The following TIAM1 variants were observed in gnomAD, a reference collection of about 807,000 sequenced individuals.
TIAM1 encodes rho guanine nucleotide exchange factor TIAM1.
Under a neutral mutation model 163.5 loss-of-function variants are expected in TIAM1, and 65 were observed. That is an observed-to-expected ratio of 0.40 (90% confidence interval 0.33 to 0.49). The LOEUF is 0.49. Ranked by LOEUF, TIAM1 falls within the 20% of genes least tolerant of loss-of-function variation. The probability of loss-of-function intolerance (pLI) is 0.77; values close to 1 mark genes in which losing one functional copy is unlikely to be tolerated. For missense variants in TIAM1, 1,789 were observed against 2,044.7 expected (o/e 0.87, Z 2.41); for synonymous variants, 833 against 810.1 (o/e 1.03, Z -0.48).
chr21:31,517,073 A>T (rs1175284741), intron 1 of TIAM1, among the ~76,000 whole-genome samples: 1 of 151,448 alleles, frequency 6.6e-6, no homozygotes. Flanking sequence ...AAAAGAAAAG[A>T]AAAGAAAAGA....
intron 2 of TIAM1, among the ~76,000 whole-genome samples, chr21:31,314,756 C>A (rs981017163): frequency 1.3e-5 from 2 of 152,084 alleles, no homozygotes; most frequent in African/African-American, 4.8e-5. Flanking sequence ...AACGTGCATG[C>A]TTGTAAAGGG....
intron 2 of TIAM1, among the ~76,000 whole-genome samples, chr21:31,326,033 G>C (rs1203258875): frequency 6.6e-6 from 1 of 152,132 alleles, no homozygotes; most frequent in Non-Finnish European, 1.5e-5. Context: ...TCCAGACCCT[G>C]CTGAGGCCTC....
At chr21:31,128,790 T>G (rs534086179) in intron 25 of TIAM1, among the ~76,000 whole-genome samples, 1 of 152,338 alleles carries the variant, frequency 6.6e-6, no homozygotes, top group South Asian at 2.1e-4. Context: ...GTTTTTGCAT[T>G]TGAGTTTTCC....
At chr21:31,263,160 C>G (rs1373049995) in intron 4 of TIAM1, among the ~76,000 whole-genome samples, 1 of 152,002 alleles carries the variant, frequency 6.6e-6, no homozygotes, top group East Asian at 1.9e-4. Flanking sequence ...CATATAAAGT[C>G]AATACAAAAA....
intron 6 of TIAM1, among the ~76,000 whole-genome samples, chr21:31,236,153 T>C (rs1218483616): frequency 6.6e-6 from 1 of 152,230 alleles, no homozygotes; most frequent in African/African-American, 2.4e-5. Context: ...CTGTGGCTAG[T>C]GAGTCGCACC....
chr21:31,510,815 A>C (rs202170104), intron 1 of TIAM1, among the ~76,000 whole-genome samples: 879 of 24,208 alleles, frequency 0.036, 14 homozygotes, highest in African/African-American at 0.086. Flanking sequence ...ACTCCATCTC[A>C]AAAAAAAAAA....
chr21:31,306,107 G>C (rs1195900297), intron 2 of TIAM1, among the ~76,000 whole-genome samples: 1 of 138,068 alleles, frequency 7.2e-6, no homozygotes, highest in African/African-American at 2.8e-5. Flanking sequence ...AACCCACCAA[G>C]ACCTCATCTC....
chr21:31,529,412 T>C (rs952909470), intron 1 of TIAM1, among the ~76,000 whole-genome samples: 1 of 152,072 alleles, frequency 6.6e-6, no homozygotes, highest in Non-Finnish European at 1.5e-5. Context: ...ATTACTAGTG[T>C]AATTTTGAGT....
chr21:31,521,903 T>G (rs966836273), intron 1 of TIAM1, among the ~76,000 whole-genome samples: 9 of 152,052 alleles, frequency 5.9e-5, no homozygotes, highest in Non-Finnish European at 1.3e-4. Context: ...ACGGAGTCTC[T>G]CTCTGTCGCC....
chr21:31,320,422 G>A (rs1198602675), intron 2 of TIAM1, among the ~76,000 whole-genome samples: 1 of 152,176 alleles, frequency 6.6e-6, no homozygotes, highest in Non-Finnish European at 1.5e-5. Flanking sequence ...AATGGCTACA[G>A]TGGTAAATTT....
chr21:31,423,183 C>T (rs1327904078), intron 2 of TIAM1, among the ~76,000 whole-genome samples: 2 of 150,546 alleles, frequency 1.3e-5, no homozygotes, highest in Non-Finnish European at 3.0e-5. Context: ...ACTGCAAGCT[C>T]CGCCTCCCGG....
At chr21:31,397,325 G>C (rs1374432656) in intron 2 of TIAM1, among the ~76,000 whole-genome samples, 1 of 152,142 alleles carries the variant, frequency 6.6e-6, no homozygotes, top group East Asian at 1.9e-4. Context: ...CACATATACA[G>C]CAAGTGCCAA....
At chr21:31,435,009 A>G (rs964406948) in intron 2 of TIAM1, among the ~76,000 whole-genome samples, 1 of 152,226 alleles carries the variant, frequency 6.6e-6, no homozygotes, top group Non-Finnish European at 1.5e-5. Context: ...TGCTGTTCAT[A>G]TTTAGATCAG....
At chr21:31,169,328 GAAGA>G (rs2084394748) in intron 15 of TIAM1, among the ~76,000 whole-genome samples, 2 of 112,504 alleles carry the variant, frequency 1.8e-5, no homozygotes, top group African/African-American at 5.1e-5. Context: ...TAAAACAGAA[GAAGA>G]AAGAGATAAT....
intron 4 of TIAM1, among the ~76,000 whole-genome samples, chr21:31,257,651 A>T (rs913050261): frequency 6.6e-6 from 1 of 152,078 alleles, no homozygotes; most frequent in East Asian, 1.9e-4. Context: ...ACTGCCAGGT[A>T]AATGTTCCAG....
intron 2 of TIAM1, among the ~76,000 whole-genome samples, chr21:31,285,193 C>T (rs886590519): frequency 1.3e-5 from 2 of 151,302 alleles, no homozygotes; most frequent in Non-Finnish European, 1.5e-5. Context: ...GCCACCCCCC[C>T]AAGCCAATTC....
At chr21:31,214,186 A>G (rs1423227348) in intron 9 of TIAM1, among the ~76,000 whole-genome samples, 1 of 152,008 alleles carries the variant, frequency 6.6e-6, no homozygotes, top group Non-Finnish European at 1.5e-5. Flanking sequence ...TTAGCCATGC[A>G]TAGTGGCATG....
chr21:31,423,642 A>C (rs1262384418), intron 2 of TIAM1, among the ~76,000 whole-genome samples: 1 of 148,490 alleles, frequency 6.7e-6, no homozygotes, highest in Non-Finnish European at 1.5e-5. Context: ...CCTATAACGA[A>C]CTCATGGTGA....
At chr21:31,234,073 C>T (rs980623770) in intron 6 of TIAM1, among the ~76,000 whole-genome samples, 2 of 152,126 alleles carry the variant, frequency 1.3e-5, no homozygotes, top group South Asian at 2.1e-4. Flanking sequence ...TCATATCTCA[C>T]ATGTAAATAT....
Sources: allele counts gnomAD v4.1 joint callset (sites outside exome capture counted in the v4.1 genomes callset), GRCh38; gene constraint gnomAD v4.1.1; transcripts MANE v1.5; gene names NCBI Gene and HGNC (gene_info 2026-07-23, HGNC 2026-07-21).